The following PHLDB3 variants were observed in gnomAD, a reference collection of about 807,000 sequenced individuals.
The protein encoded by PHLDB3 is pleckstrin homology-like domain family B member 3.
PHLDB3 carries 86 observed loss-of-function variants against 85.7 expected under a neutral mutation model. That is an observed-to-expected ratio of 1.00 (90% CI 0.84 to 1.20). The LOEUF is 1.20. Ranked by LOEUF, PHLDB3 falls within the 50% of genes most tolerant of loss-of-function variation. The pLI, the probability that PHLDB3 is intolerant of heterozygous loss-of-function variation, is 0.00. For missense variants in PHLDB3, 995 were observed against 873.0 expected (o/e 1.14, Z -1.76); for synonymous variants, 376 against 349.8 (o/e 1.07, Z -0.83).
chr19:43,487,081 T>G lies in PHLDB3; in HGVS notation c.1192A>C (p.Arg398=). 1 of 1,575,912 alleles carries G rather than the reference T, an allele frequency of 6.3e-7. No homozygotes were observed. The highest frequency in any genetic ancestry group is 8.6e-7 in the Non-Finnish European group (1 of 1,161,052). ...LQRTGSLPRK[R]GERGSQRGSP... Reference sequence around the variant, plus strand: ...CCTCTCTGGCTCCCCCTCTCCCCCCTTTTCCGGGGCAGGCTCCCAGTCCTC... The same window carrying G: ...CCTCTCTGGCTCCCCCTCTCCCCCCGTTTCCGGGGCAGGCTCCCAGTCCTC... The change falls in exon 10 of 16, where the codon AGG becomes CGG. Residue 398 remains arginine, a synonymous_variant. Coordinates refer to ENST00000292140, the MANE Select transcript of PHLDB3 (RefSeq NM_198850.4).
chr19:43,486,927 ACTTCTCCC>A (rs1373254838), intron 10 of PHLDB3, 57 bp from the exon 11 acceptor site: 1 of 1,482,408 alleles, frequency 6.7e-7, no homozygotes, highest in Non-Finnish European at 9.0e-7. Flanking sequence ...GAGCCTATCC[ACTTCTCCC>A]CTGCAGGCAT....
chr19:43,503,316 C>CTCTCTCTCTCTCTT (rs1568487192), intron 2 of PHLDB3, among the ~76,000 whole-genome samples: 2 of 139,700 alleles, frequency 1.4e-5, no homozygotes, highest in African/African-American at 2.8e-5. Context: ...CTCTCTCTCT[C>CTCTCTCTCTCTCTT]ATTTTTAGAG....
At chr19:43,479,656 C>G (rs1285511461) in intron 13 of PHLDB3, 63 bp from the exon 14 acceptor site, 6 of 1,219,358 alleles carry the variant, frequency 4.9e-6, no homozygotes, top group Non-Finnish European at 7.0e-6. Context: ...CCTGGAGCCC[C>G]TCGAGGGGAG....
intron 13 of PHLDB3, among the ~76,000 whole-genome samples, chr19:43,485,689 TGGGA>T (rs1971140629): frequency 6.6e-6 from 1 of 151,356 alleles, no homozygotes; most frequent in African/African-American, 2.4e-5. Context: ...CCCGAGTAGC[TGGGA>T]TTACAGGCAT....
intron 9 of PHLDB3, among the ~76,000 whole-genome samples, chr19:43,493,622 A>G (rs1373735986): frequency 6.7e-6 from 1 of 150,032 alleles, no homozygotes; most frequent in Non-Finnish European, 1.5e-5. Context: ...ACAGAGTGAG[A>G]CTCTGTCAAA....
In PHLDB3 at chr19:43,502,104, G is replaced by A. The variant is rs764288625; in HGVS notation, c.393C>T (p.Ile131=). ...CCCAAGGGGTCCGCAGCCTCACCTC[G>A]ATCCTCAGCTCCTTCCTCTGGCGCT... ...ELQRQRKELR[I]EMEVEVALLR... The change falls in exon 3 of 16, where the codon ATC becomes ATT. Residue 131 remains isoleucine (I), a synonymous_variant. Coordinates refer to ENST00000292140, the MANE Select transcript of PHLDB3 (RefSeq NM_198850.4). 8.3e-6 allele frequency: 13 copies of A among 1,570,690 alleles called. No individual in the cohort carries two copies. The highest frequency in any genetic ancestry group is 2.3e-5 in the South Asian group (2 of 85,350).
In PHLDB3 at chr19:43,497,893, G is replaced by A. The variant is rs1329532353; in HGVS notation, c.535-17C>T. ...CCTCTGTTCCTGAAAGAACAACAAG[G>A]TTCTCACCCTCAGCTTAAGCATAGC... On this transcript the variant is annotated splice_polypyrimidine_tract_variant and intron_variant, in intron 4 of 15. Transcript: ENST00000292140. The A allele has an allele frequency of 3.8e-6, 6 of 1,588,084 alleles. No homozygotes were observed. Among genetic ancestry groups the A allele is most frequent in the South Asian group, 1.2e-5 (1 of 86,852 alleles).
chr19:43,476,305 A>G (rs981646422), intron 15 of PHLDB3, among the ~76,000 whole-genome samples: 16 of 152,150 alleles, frequency 1.1e-4, no homozygotes, highest in African/African-American at 2.2e-4. Flanking sequence ...AGCCCTCTCA[A>G]TAACCCTGAT....
At chr19:43,499,556 T>C (rs2682551) in intron 4 of PHLDB3, among the ~76,000 whole-genome samples, 71,019 of 151,566 alleles carry the variant, frequency 0.47, 16,813 homozygotes, top group East Asian at 0.58. Context: ...AGAGAGGGCC[T>C]GGGAGAAATA....
chr19:43,503,421 G>T (rs368422373), intron 2 of PHLDB3, among the ~76,000 whole-genome samples: 44 of 152,164 alleles, frequency 2.9e-4, no homozygotes, highest in African/African-American at 1.0e-3. Flanking sequence ...TCCTGCCTCA[G>T]CCTCCCGAGT....
chr19:43,501,307 C>T (rs10413072), intron 4 of PHLDB3, among the ~76,000 whole-genome samples: 8,915 of 151,504 alleles, frequency 0.059, 403 homozygotes, highest in Admixed American at 0.13. Flanking sequence ...CCTCAGCCTC[C>T]CAAGTAGCTG....
intron 8 of PHLDB3, 25 bp downstream of exon 8, chr19:43,495,231 T>C (rs185102050): frequency 4.2e-5 from 68 of 1,604,780 alleles, no homozygotes; most frequent in Non-Finnish European, 4.5e-5. Flanking sequence ...GAGGAGGGAC[T>C]GAGAGGCATA....
chr19:43,492,868 T>C (rs1223970152), intron 9 of PHLDB3, among the ~76,000 whole-genome samples: 1 of 152,118 alleles, frequency 6.6e-6, no homozygotes, highest in Non-Finnish European at 1.5e-5. Context: ...AAAACCATTG[T>C]TATTATTATT....
At chr19:43,495,457 T>G in intron 7 of PHLDB3, 38 bp downstream of exon 7, 1 of 1,604,252 alleles carries the variant, frequency 6.2e-7, no homozygotes. Context: ...CAGGGGGAAG[T>G]GAGGACGGTA....
At chr19:43,501,175 CTTTTTTTTT>C (rs59042804) in intron 4 of PHLDB3, among the ~76,000 whole-genome samples, 5 of 83,624 alleles carry the variant, frequency 6.0e-5, no homozygotes, top group Admixed American at 3.0e-4. Flanking sequence ...TTCTTTTTCT[CTTTTTTTTT>C]TTTTTTTTTT....
In PHLDB3 at chr19:43,475,462, C is replaced by A. The variant is rs745479684; in HGVS notation, c.1871G>T (p.Arg624Leu). The A allele has an allele frequency of 6.2e-7, 1 of 1,613,972 alleles. No homozygotes were observed. The highest frequency in any genetic ancestry group is 8.5e-7 in the Non-Finnish European group (1 of 1,179,884). The change falls in exon 16 of 16, where the codon CGC (arginine) becomes CTC (leucine). Residue 624 changes from arginine to leucine, a missense_variant. Transcript: ENST00000292140. ...GGTCACGATGACGTCCATCCAAATG[C>A]GCATGGCTTCGGGGCTCGGAGCCAC... Reference protein sequence around the residue: ...YMVAPSPEAMRIWMDVIVTAA... With the variant: ...YMVAPSPEAMLIWMDVIVTAA...
chr19:43,497,711 C>CA (rs747752856), intron 5 of PHLDB3, 37 bp downstream of exon 5: 65 of 1,529,216 alleles, frequency 4.3e-5, no homozygotes, highest in East Asian at 5.0e-5. Context: ...GACTCTGTCT[C>CA]AAAAAAAACA....
intron 3 of PHLDB3, 39 bp from the exon 4 acceptor site, chr19:43,501,910 A>G: frequency 1.9e-6 from 3 of 1,545,078 alleles, no homozygotes; most frequent in Admixed American, 3.9e-5. Context: ...TCGGACGCCT[A>G]GGTCCAAGGA....
chr19:43,488,726 A>G (rs1315786613), intron 9 of PHLDB3, among the ~76,000 whole-genome samples: 1 of 152,180 alleles, frequency 6.6e-6, no homozygotes, highest in Non-Finnish European at 1.5e-5. Flanking sequence ...CTGTGCTAGC[A>G]AAAGCCTGGA....
Sources: allele counts gnomAD v4.1 joint callset (sites outside exome capture counted in the v4.1 genomes callset), GRCh38; gene constraint gnomAD v4.1.1; transcripts MANE v1.5; gene names NCBI Gene and HGNC (gene_info 2026-07-23, HGNC 2026-07-21).